Variants in ST6GALNAC5 observed in about 807,000 individuals in gnomAD.
ST6GALNAC5 encodes the protein ST6 N-acetylgalactosaminide alpha-2,6-sialyltransferase 5.
ST6GALNAC5 carries 27 observed loss-of-function variants against 33.6 expected under a neutral mutation model. That is an observed-to-expected ratio of 0.80 (90% CI 0.59 to 1.11). The LOEUF is 1.11. Among genes scored for constraint, ST6GALNAC5 ranks in the 50% least tolerant of loss-of-function variants. ST6GALNAC5 has a pLI of 0.00. For synonymous variants in ST6GALNAC5, 194 were observed against 171.2 expected (o/e 1.13, Z -1.04); for missense variants, 428 against 454.0 (o/e 0.94, Z 0.52).
chr1:76,947,121 CA>C (rs1647548059), intron 2 of ST6GALNAC5, among the ~76,000 whole-genome samples: 2 of 152,022 alleles, frequency 1.3e-5, no homozygotes, highest in African/African-American at 4.8e-5. Flanking sequence ...AGAATTCATA[CA>C]TTTTTTTCTT....
chr1:76,884,657 G>A (rs994553548), intron 2 of ST6GALNAC5, among the ~76,000 whole-genome samples: 1 of 152,186 alleles, frequency 6.6e-6, no homozygotes, highest in East Asian at 1.9e-4. Flanking sequence ...CCCAGTATCA[G>A]AGAGTGTCTC....
At chr1:76,985,445 A>G (rs1241972199) in intron 2 of ST6GALNAC5, among the ~76,000 whole-genome samples, 2 of 152,156 alleles carry the variant, frequency 1.3e-5, no homozygotes, top group Non-Finnish European at 2.9e-5. Context: ...TAGAAATCCA[A>G]CTTACAAGGG....
intron 2 of ST6GALNAC5, among the ~76,000 whole-genome samples, chr1:77,023,852 G>A (rs384473): frequency 0.29 from 44,141 of 152,034 alleles, 6,964 homozygotes; most frequent in African/African-American, 0.41. Flanking sequence ...AAAGGGGCCG[G>A]ATGGGGGTAG....
intron 2 of ST6GALNAC5, among the ~76,000 whole-genome samples, chr1:76,965,401 A>C (rs1003541200): frequency 6.6e-6 from 1 of 152,062 alleles, no homozygotes; most frequent in African/African-American, 2.4e-5. Flanking sequence ...CGGGTGCATA[A>C]ATGTCTTCTT....
Position 76,978,418 on chromosome 1 carries a change from A to G in ST6GALNAC5, c.262-65786A>G, listed in dbSNP as rs187225179. Among the ~76,000 whole-genome samples, 602 of 152,314 alleles carry G rather than the reference A, an allele frequency of 4.0e-3. 6 individuals carry two copies. Among genetic ancestry groups the G allele is most frequent in the African/African-American group, 0.014 (573 of 41,584 alleles). On this transcript the variant is annotated intron_variant, in intron 2 of 4. Transcript: ENST00000477717. ...AACCAATCTCATCAACACATTAAAA[A>G]GATGATTCACCATGATCAACTGATT...
Position 77,065,646 on chromosome 1 carries a change from ACTACC to A in ST6GALNAC5, c.*2441_*2445del, listed in dbSNP as rs986580049. On this transcript the variant is annotated 3_prime_UTR_variant, in exon 5 of 5. Transcript: ENST00000477717. ...TGGGCAATTGAATTCTTGTCTTCCCACTACCATTTCATGACTGTCGTCTGAACACT... is the reference window on the plus strand; with the variant it reads ...TGGGCAATTGAATTCTTGTCTTCCCAATTTCATGACTGTCGTCTGAACACT... 2 of 152,188 alleles carry A rather than the reference ACTACC, an allele frequency of 1.3e-5. No homozygotes were observed. The highest frequency in any genetic ancestry group is 4.8e-5 in the African/African-American group (2 of 41,442). 9.4% of individuals were successfully genotyped at this position (152,188 alleles called of 1,614,324 possible). A position where few individuals can be genotyped will look rare whatever the true frequency, so the allele number is the denominator to read the frequency against.
intron 2 of ST6GALNAC5, among the ~76,000 whole-genome samples, chr1:76,967,279 G>A (rs777649643): frequency 1.8e-4 from 27 of 152,196 alleles, no homozygotes; most frequent in Non-Finnish European, 3.7e-4. Flanking sequence ...TTCAGAGCCT[G>A]TTATTGGTCT....
chr1:76,899,771 G>A (rs1483904456), intron 2 of ST6GALNAC5, among the ~76,000 whole-genome samples: 3 of 152,198 alleles, frequency 2.0e-5, no homozygotes, highest in Admixed American at 1.3e-4. Context: ...ATTGAAAGAA[G>A]AAAGACGTTG....
chr1:76,916,432 G>A (rs1203401562), intron 2 of ST6GALNAC5, among the ~76,000 whole-genome samples: 2 of 152,112 alleles, frequency 1.3e-5, no homozygotes, highest in Non-Finnish European at 2.9e-5. Context: ...ATTGGTCTTA[G>A]GGACTGGAAC....
At chr1:76,938,662 A>C (rs982456633) in intron 2 of ST6GALNAC5, among the ~76,000 whole-genome samples, 9 of 152,056 alleles carry the variant, frequency 5.9e-5, no homozygotes, top group Non-Finnish European at 1.0e-4. Flanking sequence ...GTTCATTTGT[A>C]AAGCTATCTC....
chr1:76,969,192 G>C (rs1412671281), intron 2 of ST6GALNAC5, among the ~76,000 whole-genome samples: 1 of 152,208 alleles, frequency 6.6e-6, no homozygotes, highest in Non-Finnish European at 1.5e-5. Flanking sequence ...AGCCCATGGA[G>C]GGCAAGCCGA....
intron 2 of ST6GALNAC5, among the ~76,000 whole-genome samples, chr1:76,988,186 G>C (rs570233560): frequency 1.3e-5 from 2 of 151,870 alleles, no homozygotes; most frequent in Non-Finnish European, 2.9e-5. Context: ...TGTGCATTTT[G>C]CATTTCTTTA....
intron 2 of ST6GALNAC5, among the ~76,000 whole-genome samples, chr1:76,978,304 T>C (rs1649109866): frequency 6.6e-6 from 1 of 152,222 alleles, no homozygotes; most frequent in African/African-American, 2.4e-5. Context: ...TCCTGTGCTG[T>C]ACAGAAGCTC....
intron 2 of ST6GALNAC5, among the ~76,000 whole-genome samples, chr1:76,941,612 T>G (rs928610644): frequency 6.6e-6 from 1 of 152,076 alleles, no homozygotes; most frequent in South Asian, 2.1e-4. Flanking sequence ...CAATGACAAG[T>G]GTCCTTACAA....
At chr1:76,967,517 A>T (rs1648547542) in intron 2 of ST6GALNAC5, among the ~76,000 whole-genome samples, 1 of 152,092 alleles carries the variant, frequency 6.6e-6, no homozygotes, top group Admixed American at 6.5e-5. Context: ...AATTTTGTTA[A>T]TCTTTTCAAA....
At chr1:76,931,890 G>A (rs189932634) in intron 2 of ST6GALNAC5, among the ~76,000 whole-genome samples, 1 of 152,084 alleles carries the variant, frequency 6.6e-6, no homozygotes, top group African/African-American at 2.4e-5. Context: ...AAAAGAATCA[G>A]CAAAAGAAAA....
chr1:76,968,208 CGG>C, intron 2 of ST6GALNAC5, among the ~76,000 whole-genome samples: 1 of 152,100 alleles, frequency 6.6e-6, no homozygotes, highest in Middle Eastern at 3.4e-3. Context: ...TATTATTCTG[CGG>C]GAGTCTAAGT....
intron 2 of ST6GALNAC5, among the ~76,000 whole-genome samples, chr1:76,998,987 G>C (rs1933398): frequency 0.37 from 55,803 of 151,950 alleles, 11,109 homozygotes; most frequent in African/African-American, 0.51. Flanking sequence ...ACTAAGATCT[G>C]GTGACTATGA....
intron 2 of ST6GALNAC5, among the ~76,000 whole-genome samples, chr1:76,923,253 CT>C (rs1647052292): frequency 6.7e-6 from 1 of 149,172 alleles, no homozygotes; most frequent in Non-Finnish European, 1.5e-5. Context: ...AAAAAAATTG[CT>C]TTAAAAATTA....
Sources: gnomAD v4.1 joint callset for allele counts (sites outside exome capture counted in the v4.1 genomes callset) on GRCh38, gnomAD v4.1.1 for gene constraint, MANE v1.5 for transcripts, NCBI Gene and HGNC (gene_info 2026-07-23, HGNC 2026-07-21) for gene names.